HLCS: variants seen among roughly 807,000 people sequenced by gnomAD.
HLCS encodes the protein holocarboxylase synthetase, also known as biotin--protein ligase.
HLCS carries 53 observed loss-of-function variants against 75.0 expected under a neutral mutation model. That is an observed-to-expected ratio of 0.71 (90% CI 0.57 to 0.89). The LOEUF is 0.89. HLCS is among the 40% of genes least tolerant of loss of function. The pLI is 0.00. For missense variants in HLCS, 966 were observed against 1,074.0 expected, an observed-to-expected ratio of 0.90 and a Z score of 1.41; for synonymous variants, 431 against 428.6, an observed-to-expected ratio of 1.01 and a Z score of -0.07.
At chr21:36,759,590 C>T in intron 9 of HLCS, 137 bp downstream of exon 9, 1 of 678,390 alleles carries the variant, frequency 1.5e-6, no homozygotes, top group Non-Finnish European at 2.7e-6. Context: ...TGCATCTATA[C>T]CCTGCTCCAA....
intron 4 of HLCS, among the ~76,000 whole-genome samples, chr21:36,931,224 G>A (rs563607707): frequency 4.1e-5 from 6 of 145,460 alleles, no homozygotes; most frequent in Admixed American, 2.1e-4. Context: ...CGGAAGTTGC[G>A]GTGAGCTGAG....
intron 6 of HLCS, among the ~76,000 whole-genome samples, chr21:36,891,817 A>G (rs1008343873): frequency 6.6e-6 from 1 of 152,202 alleles, no homozygotes; most frequent in African/African-American, 2.4e-5. Context: ...CCAGCAATCT[A>G]AGTGAGCCTA....
At chr21:36,823,610 G>GGGGTGTGTGT (rs372824950) in intron 6 of HLCS, among the ~76,000 whole-genome samples, 1,476 of 132,824 alleles carry the variant, frequency 0.011, 18 homozygotes, top group African/African-American at 0.034. Flanking sequence ...AAACGTGCAG[G>GGGGTGTGTGT]GTGTGTGTGT....
intron 6 of HLCS, among the ~76,000 whole-genome samples, chr21:36,864,611 T>C (rs978277004): frequency 1.3e-5 from 2 of 152,212 alleles, no homozygotes; most frequent in African/African-American, 4.8e-5. Context: ...TTTCATATTA[T>C]GAATTGATTC....
chr21:36,818,253 C>A (rs903550099), intron 6 of HLCS, among the ~76,000 whole-genome samples: 1 of 152,204 alleles, frequency 6.6e-6, no homozygotes, highest in African/African-American at 2.4e-5. Context: ...ACTTCTGTGG[C>A]ATGGCTAATG....
At chr21:36,883,290 A>G (rs1184844973) in intron 6 of HLCS, among the ~76,000 whole-genome samples, 1 of 152,254 alleles carries the variant, frequency 6.6e-6, no homozygotes, top group Non-Finnish European at 1.5e-5. Flanking sequence ...TTCCCTCTAA[A>G]TAAGCCACAA....
rs528914642 is a variant in HLCS at position 36,787,157 on chromosome 21, G to A, written c.1893-19872C>T. 9.2e-5 allele frequency among the ~76,000 whole-genome samples: 14 copies of A among 152,348 alleles called. No homozygotes were observed. In the South Asian group the frequency reaches 2.3e-3, roughly 25 times the overall value. ...ACTTCCTAGGTTTTCACCAGGCCAC[G>A]CGTGAGCATGGGGCTGTGGGTGTCG... On this transcript the variant is annotated intron_variant, in intron 6 of 10. Transcript: ENST00000674895.
chr21:36,984,154 A>T (rs960274168), intron 1 of HLCS, among the ~76,000 whole-genome samples: 19 of 152,238 alleles, frequency 1.2e-4, no homozygotes, highest in African/African-American at 4.3e-4. Flanking sequence ...TGATTTTTTT[A>T]AATTGGAAAA....
At chr21:36,772,652 A>G (rs2060243275) in intron 6 of HLCS, among the ~76,000 whole-genome samples, 1 of 151,518 alleles carries the variant, frequency 6.6e-6, no homozygotes, top group East Asian at 1.9e-4. Context: ...AAAAAAAAAA[A>G]AAAAAAAGAA....
chr21:36,846,147 C>T (rs1366061403), intron 6 of HLCS, among the ~76,000 whole-genome samples: 1 of 152,174 alleles, frequency 6.6e-6, no homozygotes, highest in Non-Finnish European at 1.5e-5. Flanking sequence ...ATAGTAGACA[C>T]TCCATAAATT....
At chr21:36,981,395 CTTTT>C (rs11328067) in intron 1 of HLCS, among the ~76,000 whole-genome samples, 5 of 91,298 alleles carry the variant, frequency 5.5e-5, no homozygotes, top group Admixed American at 2.7e-4. Flanking sequence ...CTTAACCTTC[CTTTT>C]TTTTTTTTTT....
intron 6 of HLCS, among the ~76,000 whole-genome samples, chr21:36,775,871 T>G (rs1601192262): frequency 1.3e-5 from 2 of 152,310 alleles, no homozygotes; most frequent in African/African-American, 4.8e-5. Flanking sequence ...CGAACAGTGT[T>G]TCTGCAGGCA....
chr21:36,964,819 T>C (rs2068483645), intron 1 of HLCS, among the ~76,000 whole-genome samples: 1 of 152,264 alleles, frequency 6.6e-6, no homozygotes, highest in South Asian at 2.1e-4. Flanking sequence ...TGTTTTTATA[T>C]GTCCAAAATT....
chr21:36,749,008 G>A lies in HLCS; in HGVS notation c.*5238C>T, dbSNP rs1375222785. 6.6e-6 allele frequency: 1 copy of A among 152,574 alleles called. No homozygotes were observed. Among genetic ancestry groups the A allele is most frequent in the Non-Finnish European group, 1.5e-5 (1 of 68,026 alleles). The allele number at this position is 152,574 out of a possible 1,614,324, so 9.5% of individuals were successfully genotyped here. A position where few individuals can be genotyped will look rare whatever the true frequency, so the allele number is the denominator to read the frequency against. ...ACGTGCAATACGGAACACTGTCAAT[G>A]GACTGCACCTTGTGAAGGAAAAACA... is the stretch of plus-strand genomic sequence containing the variant. On this transcript the variant is annotated 3_prime_UTR_variant, in exon 11 of 11. Coordinates refer to ENST00000674895, the MANE Select transcript of HLCS (RefSeq NM_001352514.2).
chr21:36,905,206 G>C (rs909727503), intron 5 of HLCS, among the ~76,000 whole-genome samples: 14 of 152,116 alleles, frequency 9.2e-5, no homozygotes, highest in Admixed American at 2.6e-4. Context: ...GGTATCCATG[G>C]AACCTAGGAC....
chr21:36,961,177 G>A (rs1198158561), intron 2 of HLCS, among the ~76,000 whole-genome samples: 1 of 152,210 alleles, frequency 6.6e-6, no homozygotes, highest in Non-Finnish European at 1.5e-5. Flanking sequence ...ATGTGGCTGA[G>A]GTTGAAGTAT....
At chr21:36,919,607 T>C (rs2066075035) in intron 5 of HLCS, among the ~76,000 whole-genome samples, 1 of 152,202 alleles carries the variant, frequency 6.6e-6, no homozygotes. Context: ...CCAACTGTCA[T>C]AAATAATGGG....
intron 6 of HLCS, among the ~76,000 whole-genome samples, chr21:36,889,836 G>A (rs1267235216): frequency 6.6e-6 from 1 of 152,164 alleles, no homozygotes; most frequent in African/African-American, 2.4e-5. Flanking sequence ...AAAAATAAAG[G>A]TCTCTGGCGT....
At chr21:36,772,657 AAAG>A (rs1568987430) in intron 6 of HLCS, among the ~76,000 whole-genome samples, 2 of 151,096 alleles carry the variant, frequency 1.3e-5, no homozygotes, top group African/African-American at 4.9e-5. Context: ...AAAAAAAAAA[AAAG>A]AAGGACACAT....
Sources: allele counts gnomAD v4.1 joint callset (sites outside exome capture counted in the v4.1 genomes callset), GRCh38; gene constraint gnomAD v4.1.1; transcripts MANE v1.5; gene names NCBI Gene and HGNC (gene_info 2026-07-23, HGNC 2026-07-21).